LRWD1: variants seen among roughly 807,000 people sequenced by gnomAD.
LRWD1 encodes leucine rich repeats and WD repeat domain containing 1, also known as leucine-rich repeat and WD repeat-containing protein 1.
Under a neutral mutation model 75.6 loss-of-function variants are expected in LRWD1, and 76 were observed. The observed-to-expected ratio is 1.01, with a 90% CI of 0.84 to 1.22. The LOEUF (loss-of-function observed/expected upper bound fraction) is 1.22. Among genes scored for constraint, LRWD1 ranks in the 50% most tolerant of loss-of-function variants. The probability of loss-of-function intolerance (pLI) is 0.00; values close to 1 mark genes in which losing one functional copy is unlikely to be tolerated. For synonymous variants in LRWD1, 487 were observed against 377.0 expected (o/e 1.29, Z -3.38); for missense variants, 917 against 862.0 (o/e 1.06, Z -0.80).
At position 102,465,938 on chromosome 7, in the gene LRWD1, CTG is replaced by C; in HGVS notation, c.204_205del (p.Ser69ProfsTer39). Reference sequence around the variant, plus strand: ...GGAGACGCTGCCGGACAACCTGGGCCTGTCCCACCTGCGTGTCCTCCGCTGCG... The same window carrying C: ...GGAGACGCTGCCGGACAACCTGGGCCTCCCACCTGCGTGTCCTCCGCTGCG... ...HLETLPDNLGLSHLRVLRCAN... is the reference protein window; with the variant it reads ...HLETLPDNLGXSHLRVLRCAN... On this transcript the variant is annotated frameshift_variant, in exon 2 of 15. Coordinates refer to ENST00000292616, the MANE Select transcript of LRWD1 (RefSeq NM_152892.3). LOFTEE classifies it high-confidence loss of function. 6.2e-7 allele frequency: 1 copy of C among 1,613,842 alleles called. No individual in the cohort carries two copies. Among genetic ancestry groups the C allele is most frequent in the Non-Finnish European group, 8.5e-7 (1 of 1,180,026 alleles).
In LRWD1 at chr7:102,469,003, CCCA is replaced by C. The variant is rs1445490491; in HGVS notation, c.1171_1173del (p.His391del). 6.2e-7 allele frequency: 1 copy of C among 1,612,892 alleles called. No homozygotes were observed. The highest frequency in any genetic ancestry group is 8.5e-7 in the Non-Finnish European group (1 of 1,179,786). The stretch of plus-strand genomic sequence containing the variant: ...GGCTTCTGCTGCGGGGTCATCCGAG[CCCA>C]CAAGAAGGCCATCGCCACCCTGTGC... On this transcript the variant is annotated inframe_deletion, in exon 9 of 15. Transcript: ENST00000292616.
intron 11 of LRWD1, chr7:102,470,890 C>G (rs906631915): frequency 6.6e-6 from 1 of 152,262 alleles, no homozygotes; most frequent in African/African-American, 2.4e-5. Context: ...CTCAGCCTCC[C>G]GAGTAGCTGG....
In LRWD1 at chr7:102,473,045, T is replaced by A; in HGVS notation, c.1940T>A (p.Met647Lys). 1 of 1,611,920 alleles carries A rather than the reference T, an allele frequency of 6.2e-7. No individual in the cohort carries two copies. The highest frequency in any genetic ancestry group is 1.1e-5 in the South Asian group (1 of 90,962). The change falls in exon 15 of 15, where the codon ATG becomes AAG. Residue 647 changes from methionine to lysine, a missense_variant. Physicochemically the swap from Met to Lys is moderately conservative, Grantham distance 95. Coordinates refer to ENST00000292616, the MANE Select transcript of LRWD1 (RefSeq NM_152892.3). ...DSNIVAIWGRM is the reference protein window; with the variant it reads ...DSNIVAIWGRK Reference sequence around the variant, plus strand: ...AACATCGTAGCCATCTGGGGGAGGATGTAGCCTCACACCATCGCAAAGGAC... The same window carrying A: ...AACATCGTAGCCATCTGGGGGAGGAAGTAGCCTCACACCATCGCAAAGGAC...
rs751209451 is a variant in LRWD1 at position 102,472,903 on chromosome 7, C to G, written c.1804-6C>G. 1.9e-6 allele frequency: 3 copies of G among 1,613,548 alleles called. No homozygotes were observed. Among genetic ancestry groups the G allele is most frequent in the Non-Finnish European group, 2.5e-6 (3 of 1,179,698 alleles). The stretch of plus-strand genomic sequence containing the variant: ...CCAGCCCAGCCCTCCCCTCTCTCCC[C>G]ACCAGATCCTGAAGTGGCCCCAGCC... On this transcript the variant is annotated splice_region_variant and splice_polypyrimidine_tract_variant and intron_variant, in intron 14 of 14. Coordinates refer to ENST00000292616, the MANE Select transcript of LRWD1 (RefSeq NM_152892.3).
Position 102,469,535 on chromosome 7 carries a change from T to C in LRWD1, c.1229-39T>C, listed in dbSNP as rs749904176. ...CAGCCAGCAGGAGGGAGCAGGGTCA[T>C]CTCAGGGCCACTTCTCCCCTACCCC... On this transcript the variant is annotated intron_variant, in intron 9 of 14. Coordinates refer to ENST00000292616, the MANE Select transcript of LRWD1 (RefSeq NM_152892.3). 1.5e-5 allele frequency: 24 copies of C among 1,610,910 alleles called. 1 individual carries two copies. The South Asian group carries it at 2.6e-4, about 18-fold the overall frequency.
chr7:102,465,987 T>G lies in LRWD1; in HGVS notation c.251T>G (p.Val84Gly), dbSNP rs201713941. 2.4e-5 allele frequency: 39 copies of G among 1,613,896 alleles called. No homozygotes were observed. Among genetic ancestry groups the G allele is most frequent in the Admixed American group, 3.3e-5 (2 of 60,000 alleles). ...TGCGCCAACAACCAGCTGGGGGATG[T>G]TACTGCCTTGTGCCAGTTCCCCAAG... ...LRCANNQLGD[V>G]TALCQFPKLE... The change falls in exon 2 of 15, where the codon GTT (valine) becomes GGT (glycine). Residue 84 changes from valine (V) to glycine (G), a missense_variant. Physicochemically the swap from Val to Gly is moderately radical, Grantham distance 109. Transcript: ENST00000292616.
At chr7:102,467,936 C>T (rs1327444171) in intron 5 of LRWD1, 113 bp downstream of exon 5, 3 of 1,501,924 alleles carry the variant, frequency 2.0e-6, no homozygotes, top group South Asian at 2.5e-5. Flanking sequence ...GGTCCTGGCT[C>T]ACTCCCTAGG....
rs544990990 is a variant in LRWD1 at position 102,469,760 on chromosome 7, C to G, written c.1320C>G (p.Asp440Glu). 6.2e-7 allele frequency: 1 copy of G among 1,609,344 alleles called. No individual in the cohort carries two copies. Among genetic ancestry groups the G allele is most frequent in the Admixed American group, 1.7e-5 (1 of 59,764 alleles). ...EFQASQLLTL[D>E]TTSIPLRLCP... ...CTGGCAGCCAGCTGCTCACACTGGA[C>G]ACCACCTCTATCCCCCTGCGCCTCT... Residue 440 changes from aspartate to glutamate, a missense_variant, in exon 11 of 15, where the codon GAC becomes GAG. Asp to Glu is a conservative substitution (Grantham distance 45, BLOSUM62 2). Coordinates refer to ENST00000292616, the MANE Select transcript of LRWD1 (RefSeq NM_152892.3).
At position 102,473,121 on chromosome 7, in the gene LRWD1, G is replaced by A. The variant is rs537526506; in HGVS notation, c.*72G>A. The A allele has an allele frequency of 2.0e-4, 287 of 1,469,998 alleles. 5 individuals are homozygous for A. The East Asian group carries it at 6.4e-3, about 33-fold the overall frequency. The allele number at this position is 1,469,998 out of a possible 1,614,324, so 91.1% of individuals were successfully genotyped here. ...CAGCTTTGGGCCGATGGGGGTGGGG[G>A]GGGGTCTTTCAGTGAATATTTTTAT... On this transcript the variant is annotated 3_prime_UTR_variant, in exon 15 of 15. Transcript: ENST00000292616.
intron 9 of LRWD1, 59 bp downstream of exon 9, chr7:102,469,121 A>G (rs1798108443): frequency 6.9e-7 from 1 of 1,440,568 alleles, no homozygotes; most frequent in East Asian, 2.5e-5. Flanking sequence ...CTGCCCCAGT[A>G]GCCTCCACGC....
At chr7:102,472,112 T>C (rs1461784976) in intron 11 of LRWD1, 106 bp from the exon 12 acceptor site, 6 of 1,029,736 alleles carry the variant, frequency 5.8e-6, no homozygotes, top group Admixed American at 4.0e-5. Context: ...CTGTGCAGCC[T>C]TCACACAGGG....
At position 102,473,063 on chromosome 7, in the gene LRWD1, C is replaced by A. The variant is rs769325015; in HGVS notation, c.*14C>A. ...GGGAGGATGTAGCCTCACACCATCG[C>A]AAAGGACCAGGGACACAGCTAACTA... On this transcript the variant is annotated 3_prime_UTR_variant, in exon 15 of 15. Coordinates refer to ENST00000292616, the MANE Select transcript of LRWD1 (RefSeq NM_152892.3). 6.2e-7 allele frequency: 1 copy of A among 1,605,512 alleles called. No individual in the cohort carries two copies. The highest frequency in any genetic ancestry group is 8.5e-7 in the Non-Finnish European group (1 of 1,174,692).
rs147219459 is a variant in LRWD1 at position 102,468,084 on chromosome 7, G to A, written c.701G>A (p.Arg234Gln). 184 of 1,609,102 alleles carry A rather than the reference G, an allele frequency of 1.1e-4. No individual in the cohort carries two copies. The highest frequency in any genetic ancestry group is 1.4e-4 in the Non-Finnish European group (169 of 1,179,614). ...CAGGCCAGACTGGCGGCCTTGAAACGGCCAGACGACGTCCCACTCAGCCTC... is the reference window on the plus strand; with the variant it reads ...CAGGCCAGACTGGCGGCCTTGAAACAGCCAGACGACGTCCCACTCAGCCTC... ...KPRARLAALK[R>Q]PDDVPLSLSP... Residue 234 changes from arginine (R) to glutamine (Q), a missense_variant, in exon 6 of 15, where the codon CGG (arginine) becomes CAG (glutamine). Physicochemically the swap from Arg to Gln is conservative, Grantham distance 43. Coordinates refer to ENST00000292616, the MANE Select transcript of LRWD1 (RefSeq NM_152892.3).
At chr7:102,469,138 C>A in intron 9 of LRWD1, 76 bp downstream of exon 9, 1 of 1,347,198 alleles carries the variant, frequency 7.4e-7, no homozygotes, top group Non-Finnish European at 1.0e-6. Context: ...ACGCTCCCCT[C>A]CCTGGGATGG....
intron 8 of LRWD1, 92 bp from the exon 9 acceptor site, chr7:102,468,763 C>G (rs1586740532): frequency 1.3e-6 from 2 of 1,529,468 alleles, no homozygotes; most frequent in Non-Finnish European, 8.8e-7. Flanking sequence ...CTTTTTCTTT[C>G]ATGCTGGGGC....
Position 102,467,171 on chromosome 7 carries a change from G to GTGTGTGTGTGTGT in LRWD1, c.433-168_433-167insTGTGTGTGTGTGT, listed in dbSNP as rs1554579596. 1.2e-3 allele frequency among the ~76,000 whole-genome samples: 121 copies of GTGTGTGTGTGTGT among 99,138 alleles called. 4 individuals are homozygous for GTGTGTGTGTGTGT. Among genetic ancestry groups the GTGTGTGTGTGTGT allele is most frequent in the African/African-American group, 3.2e-3 (74 of 22,806 alleles). 65.0% of individuals were successfully genotyped at this position (99,138 alleles called of 152,430 possible). On this transcript the variant is annotated intron_variant, in intron 3 of 14. Coordinates refer to ENST00000292616, the MANE Select transcript of LRWD1 (RefSeq NM_152892.3). The stretch of plus-strand genomic sequence containing the variant: ...TGGGTTGTTGCTGGGGTGTGTGTGG[G>GTGTGTGTGTGTGT]GTGTGTGTGTGTGTGTGTGTGTGTG...
intron 11 of LRWD1, 135 bp from the exon 12 acceptor site, chr7:102,472,082 TA>T (rs1343967950): frequency 2.3e-5 from 18 of 780,854 alleles, no homozygotes; most frequent in South Asian, 1.3e-4. Context: ...GCCAAGAATG[TA>T]TCTCTTTGGT....
chr7:102,467,984 G>A (rs1798064119), intron 5 of LRWD1, 78 bp from the exon 6 acceptor site: 11 of 1,560,682 alleles, frequency 7.0e-6, no homozygotes, highest in Non-Finnish European at 9.5e-6. Flanking sequence ...CATCCGCAGT[G>A]AGGTGGGGTC....
At chr7:102,469,981 A>G (rs754740833) in intron 11 of LRWD1, 99 bp downstream of exon 11, 4 of 1,385,674 alleles carry the variant, frequency 2.9e-6, no homozygotes, top group South Asian at 1.6e-5. Context: ...CCGGGTAACC[A>G]TAAGGGTTGT....
Sources: allele counts gnomAD v4.1 joint callset (sites outside exome capture counted in the v4.1 genomes callset), GRCh38; gene constraint gnomAD v4.1.1; transcripts MANE v1.5; gene names NCBI Gene and HGNC (gene_info 2026-07-23, HGNC 2026-07-21).